Variants in IGF1R observed in about 807,000 individuals in gnomAD.
IGF1R encodes the protein insulin-like growth factor 1 receptor.
IGF1R carries 44 observed loss-of-function variants against 144.6 expected under a neutral mutation model. That is an observed-to-expected ratio of 0.30 (90% CI 0.24 to 0.39). The LOEUF (loss-of-function observed/expected upper bound fraction) is 0.39, where lower values mean the gene tolerates loss of function less well. Ranked by LOEUF, IGF1R falls within the 10% of genes least tolerant of loss-of-function variation. The pLI is 1.00. For synonymous variants in IGF1R, 795 were observed against 722.8 expected, an observed-to-expected ratio of 1.10 and a Z score of -1.60; for missense variants, 1,355 against 1,833.7, an observed-to-expected ratio of 0.74 and a Z score of 4.77.
At chr15:98,656,135 T>G (rs2052479528) in intron 1 of IGF1R, among the ~76,000 whole-genome samples, 1 of 152,236 alleles carries the variant, frequency 6.6e-6, no homozygotes. Flanking sequence ...CACTTGGTGG[T>G]TGGTGGTCTT....
At chr15:98,804,313 TGG>T (rs927144452) in intron 2 of IGF1R, among the ~76,000 whole-genome samples, 1 of 152,210 alleles carries the variant, frequency 6.6e-6, no homozygotes, top group Admixed American at 6.5e-5. Context: ...AATATCTAGT[TGG>T]GGCATTATCT....
rs1259692375 is a variant in IGF1R at position 98,891,064 on chromosome 15, A to G, written c.641-261A>G. On this transcript the variant is annotated intron_variant, in intron 2 of 20. Transcript: ENST00000650285. The surrounding 1 kb of genome is among the most constrained non-coding windows in gnomAD (Gnocchi z 4.7). The stretch of plus-strand genomic sequence containing the variant: ...GGAAGAGAGAGGATCAAGATCACAG[A>G]AGCTAATGGTTTGTCCCAGACCAAA... 6.6e-6 allele frequency among the ~76,000 whole-genome samples: 1 copy of G among 152,180 alleles called. No homozygotes were observed. The highest frequency in any genetic ancestry group is 2.4e-5 in the African/African-American group (1 of 41,438).
At chr15:98,657,321 A>G (rs1254180006) in intron 1 of IGF1R, among the ~76,000 whole-genome samples, 4 of 152,244 alleles carry the variant, frequency 2.6e-5, no homozygotes, top group Admixed American at 6.5e-5. Flanking sequence ...GAGAAATTCC[A>G]GGTAGGAGCC....
intron 2 of IGF1R, among the ~76,000 whole-genome samples, chr15:98,736,863 C>T (rs969380153): frequency 2.6e-5 from 4 of 152,072 alleles, no homozygotes; most frequent in Non-Finnish European, 5.9e-5. Flanking sequence ...CCGCCTATCT[C>T]GGGCTCCCAA....
chr15:98,929,057 A>G (rs778658251), intron 13 of IGF1R, among the ~76,000 whole-genome samples: 3 of 152,066 alleles, frequency 2.0e-5, no homozygotes, highest in South Asian at 2.1e-4. Context: ...TTTTCATTCT[A>G]TTTATTAGAA....
chr15:98,915,665 G>A (rs1317202032), intron 8 of IGF1R, among the ~76,000 whole-genome samples: 1 of 152,228 alleles, frequency 6.6e-6, no homozygotes, highest in Non-Finnish European at 1.5e-5. Flanking sequence ...ATTAGCTGTA[G>A]ATTTTCACAT....
chr15:98,841,781 C>T (rs1016826176), intron 2 of IGF1R, among the ~76,000 whole-genome samples: 5 of 152,166 alleles, frequency 3.3e-5, no homozygotes, highest in African/African-American at 4.8e-5. Context: ...ATCTGCTGCA[C>T]GGGCAGGAGG....
In IGF1R at chr15:98,869,732, C is replaced by G. The variant is rs140728365; in HGVS notation, c.641-21593C>G. Among the ~76,000 whole-genome samples the G allele has an allele frequency of 5.3e-3, 804 of 152,278 alleles. 6 individuals are homozygous for G. Among genetic ancestry groups the G allele is most frequent in the African/African-American group, 0.019 (771 of 41,576 alleles). On this transcript the variant is annotated intron_variant, in intron 2 of 20. Coordinates refer to ENST00000650285, the MANE Select transcript of IGF1R (RefSeq NM_000875.5). ...TTACAGGCATGAACCACCGCACTCCCTTGAGATTCTTGTAAGCCAAGGCAG... is the reference window on the plus strand; with the variant it reads ...TTACAGGCATGAACCACCGCACTCCGTTGAGATTCTTGTAAGCCAAGGCAG...
At chr15:98,798,119 A>G (rs901954624) in intron 2 of IGF1R, among the ~76,000 whole-genome samples, 4 of 152,208 alleles carry the variant, frequency 2.6e-5, no homozygotes, top group African/African-American at 9.6e-5. Context: ...ATAGAAGTGG[A>G]CAAAATGAGG....
At chr15:98,755,249 T>C (rs573663993) in intron 2 of IGF1R, among the ~76,000 whole-genome samples, 1 of 152,260 alleles carries the variant, frequency 6.6e-6, no homozygotes, top group East Asian at 1.9e-4. Context: ...TTTAGGTCAG[T>C]TGCTGCGGAG....
At position 98,924,994 on chromosome 15, in the gene IGF1R, A is replaced by T. The variant is rs1264404138; in HGVS notation, c.2782+310A>T. 6.3e-5 allele frequency among the ~76,000 whole-genome samples: 7 copies of T among 110,782 alleles called. No individual in the cohort carries two copies. In the East Asian group the frequency reaches 1.6e-3, roughly 26 times the overall value. 72.7% of individuals were successfully genotyped at this position (110,782 alleles called of 152,430 possible). A position where few individuals can be genotyped will look rare whatever the true frequency, so the allele number is the denominator to read the frequency against. ...CTTTCAACCTGGCTTACATTCAAAG[A>T]CTTTTTTTTTTTTTTAAACAAAAGA... On this transcript the variant is annotated intron_variant, in intron 13 of 20. Coordinates refer to ENST00000650285, the MANE Select transcript of IGF1R (RefSeq NM_000875.5).
At chr15:98,664,122 C>G (rs1040834541) in intron 1 of IGF1R, among the ~76,000 whole-genome samples, 1 of 152,126 alleles carries the variant, frequency 6.6e-6, no homozygotes. Flanking sequence ...GTAACACTTT[C>G]CTGCTATTAG....
intron 6 of IGF1R, among the ~76,000 whole-genome samples, chr15:98,910,476 CCT>C (rs1243550955): frequency 6.6e-6 from 1 of 152,166 alleles, no homozygotes; most frequent in Non-Finnish European, 1.5e-5. Flanking sequence ...GTCTTCAGTC[CCT>C]CTGCTTCACC....
intron 1 of IGF1R, chr15:98,660,679 A>G (rs2052578649): frequency 6.6e-6 from 1 of 152,168 alleles, no homozygotes; most frequent in African/African-American, 2.4e-5. Flanking sequence ...TCATTGTTTG[A>G]TTAGGCTTTT....
At chr15:98,781,632 G>A (rs1217586238) in intron 2 of IGF1R, among the ~76,000 whole-genome samples, 2 of 152,082 alleles carry the variant, frequency 1.3e-5, no homozygotes, top group Non-Finnish European at 2.9e-5. Context: ...ATAACATTTA[G>A]CCTTTTTTGG....
Position 98,708,163 on chromosome 15 carries a change from C to T in IGF1R, c.640+56C>T, listed in dbSNP as rs564211442. Reference sequence around the variant, plus strand: ...CTGCCTCTCTCTCTCCTCTCCTCCTCCTTGACCTCCCTTCTCTTCTGAGTG... The same window carrying T: ...CTGCCTCTCTCTCTCCTCTCCTCCTTCTTGACCTCCCTTCTCTTCTGAGTG... On this transcript the variant is annotated intron_variant, in intron 2 of 20. Coordinates refer to ENST00000650285, the MANE Select transcript of IGF1R (RefSeq NM_000875.5). The T allele has an allele frequency of 6.3e-6, 9 of 1,424,708 alleles. No homozygotes were observed. In the East Asian group the frequency reaches 2.0e-4, roughly 32 times the overall value. 88.3% of individuals were successfully genotyped at this position (1,424,708 alleles called of 1,614,324 possible).
intron 2 of IGF1R, among the ~76,000 whole-genome samples, chr15:98,713,105 A>T (rs1596222249): frequency 6.6e-6 from 1 of 151,616 alleles, no homozygotes; most frequent in Non-Finnish European, 1.5e-5. Context: ...TCCCGTGCTG[A>T]CCAGCCGGCA....
At chr15:98,725,923 A>T (rs924248240) in intron 2 of IGF1R, among the ~76,000 whole-genome samples, 2 of 152,244 alleles carry the variant, frequency 1.3e-5, no homozygotes, top group African/African-American at 4.8e-5. Context: ...AGCACGGGAA[A>T]GACCAGCCCT....
At chr15:98,899,371 A>AG in intron 4 of IGF1R, 106 bp from the exon 5 acceptor site, 1 of 1,151,840 alleles carries the variant, frequency 8.7e-7, no homozygotes, top group Non-Finnish European at 1.3e-6. Context: ...GGAGCATCTC[A>AG]GGGGGCACCT....
Sources: allele counts gnomAD v4.1 joint callset (sites outside exome capture counted in the v4.1 genomes callset), GRCh38; gene constraint gnomAD v4.1.1; non-coding constraint Gnocchi (gnomAD v3.1); transcripts MANE v1.5; gene names NCBI Gene and HGNC (gene_info 2026-07-23, HGNC 2026-07-21).